The following EXPH5 variants were observed in gnomAD, a reference collection of about 807,000 sequenced individuals.
EXPH5 encodes the protein exophilin-5.
EXPH5 carries 42 observed loss-of-function variants against 41.1 expected under a neutral mutation model. That is an observed-to-expected ratio of 1.02 (90% CI 0.80 to 1.32). The LOEUF is 1.32. Among genes scored for constraint, EXPH5 ranks in the 40% most tolerant of loss-of-function variants. The pLI is 0.00. For missense variants in EXPH5, 2,298 were observed against 2,314.5 expected (o/e 0.99, Z 0.15); for synonymous variants, 798 against 833.5 (o/e 0.96, Z 0.73).
At chr11:108,551,622 AC>A (rs2136058103) in intron 1 of EXPH5, among the ~76,000 whole-genome samples, 1 of 151,612 alleles carries the variant, frequency 6.6e-6, no homozygotes, top group African/African-American at 2.4e-5. Flanking sequence ...GTCTTGTTAC[AC>A]CTCGTTCTCC....
intron 3 of EXPH5, among the ~76,000 whole-genome samples, chr11:108,536,398 T>C (rs932557651): frequency 2.0e-5 from 3 of 151,998 alleles, no homozygotes; most frequent in Non-Finnish European, 4.4e-5. Context: ...CCCAAGTTGC[T>C]GGGACTACAG....
chr11:108,550,446 A>C (rs2093958275), intron 1 of EXPH5, among the ~76,000 whole-genome samples: 1 of 152,146 alleles, frequency 6.6e-6, no homozygotes, highest in Non-Finnish European at 1.5e-5. Context: ...AGCCCACGGA[A>C]TGGTAAGCTA....
chr11:108,598,849 C>T, the EXPH5 span, among the ~76,000 whole-genome samples: 147,335 of 152,282 alleles, frequency 0.97, 71,497 homozygotes, highest in East Asian at 1. Flanking sequence ...CAAGGGAGTT[C>T]AGATTCCATC....
intron 1 of EXPH5, chr11:108,551,998 C>T (rs1205733563): frequency 6.6e-6 from 1 of 152,076 alleles, no homozygotes; most frequent in Non-Finnish European, 1.5e-5. Flanking sequence ...TTTTCCAAAC[C>T]CTGAAGCCCC....
intron 1 of EXPH5, among the ~76,000 whole-genome samples, chr11:108,580,940 T>C (rs1307751020): frequency 6.6e-6 from 1 of 152,140 alleles, no homozygotes; most frequent in Non-Finnish European, 1.5e-5. Flanking sequence ...TGTTAAAGGA[T>C]ATAAAATTCC....
In EXPH5 at chr11:108,561,177, TGCCA is replaced by T. The variant is rs753755748; in HGVS notation, c.120-19369_120-19366del. The stretch of plus-strand genomic sequence containing the variant: ...ACATGTCAATGCAAAGAAGCAGTAG[TGCCA>T]GGTGTGCTTTATAGAAGGAAAGAAC... On this transcript the variant is annotated intron_variant, in intron 1 of 5. Coordinates refer to ENST00000265843, the MANE Select transcript of EXPH5 (RefSeq NM_015065.3). Among the ~76,000 whole-genome samples the T allele has an allele frequency of 1.0e-3, 155 of 152,362 alleles. 1 individual carries two copies. The Middle Eastern group carries it at 0.034, about 33-fold the overall frequency.
At chr11:108,577,446 G>A (rs192918416) in intron 1 of EXPH5, among the ~76,000 whole-genome samples, 14 of 151,122 alleles carry the variant, frequency 9.3e-5, no homozygotes, top group African/African-American at 2.2e-4. Context: ...TTGGTGAGAC[G>A]GAGATTTACT....
intron 1 of EXPH5, among the ~76,000 whole-genome samples, chr11:108,547,283 T>A (rs2093943032): frequency 6.6e-6 from 1 of 152,012 alleles, no homozygotes; most frequent in Non-Finnish European, 1.5e-5. Flanking sequence ...AGCCTCAAAC[T>A]CCTGGGTTCA....
intron 4 of EXPH5, among the ~76,000 whole-genome samples, chr11:108,521,185 A>G (rs1421858014): frequency 6.6e-6 from 1 of 151,876 alleles, no homozygotes; most frequent in Non-Finnish European, 1.5e-5. Context: ...CTTCACCACT[A>G]TGTTTTGTCT....
chr11:108,594,389 T>C (rs2094135565), upstream of EXPH5, among the ~76,000 whole-genome samples: 1 of 152,224 alleles, frequency 6.6e-6, no homozygotes, highest in Non-Finnish European at 1.5e-5. Flanking sequence ...AAACACCTGT[T>C]AGAAGTTTTC....
intron 1 of EXPH5, among the ~76,000 whole-genome samples, chr11:108,582,759 G>A (rs371762058): frequency 1.3e-5 from 2 of 152,136 alleles, no homozygotes; most frequent in African/African-American, 4.8e-5. Flanking sequence ...ACTAAGGAAG[G>A]GTCTGTTCCA....
intron 1 of EXPH5, among the ~76,000 whole-genome samples, chr11:108,556,028 A>C (rs991548970): frequency 6.6e-6 from 1 of 152,200 alleles, no homozygotes; most frequent in Non-Finnish European, 1.5e-5. Flanking sequence ...CCAAAGAACA[A>C]AATTCCAACA....
chr11:108,534,232 T>G (rs1591705579), intron 3 of EXPH5, among the ~76,000 whole-genome samples: 1 of 152,344 alleles, frequency 6.6e-6, no homozygotes, highest in East Asian at 1.9e-4. Flanking sequence ...AATGGATGCA[T>G]GTACACACAT....
At chr11:108,558,035 C>T (rs983654636) in intron 1 of EXPH5, among the ~76,000 whole-genome samples, 3 of 152,112 alleles carry the variant, frequency 2.0e-5, no homozygotes, top group Admixed American at 6.5e-5. Context: ...CTCTGCCTCC[C>T]AGGCTCAAGC....
intron 1 of EXPH5, among the ~76,000 whole-genome samples, chr11:108,579,099 C>T (rs1591757145): frequency 6.6e-6 from 1 of 152,056 alleles, no homozygotes; most frequent in East Asian, 1.9e-4. Flanking sequence ...AGAGGAAAGG[C>T]TTTCAGTTTT....
rs143361079 is a variant in EXPH5, at chr11:108,519,982, G to T, written c.493-1609C>A. Among the ~76,000 whole-genome samples, 157 of 143,106 alleles carry T rather than the reference G, an allele frequency of 1.1e-3. 1 individual carries two copies. Among genetic ancestry groups the T allele is most frequent in the African/African-American group, 3.7e-3 (145 of 38,872 alleles). 93.9% of individuals were successfully genotyped at this position (143,106 alleles called of 152,430 possible). Reference sequence around the variant, plus strand: ...AAAAAAAAAAAAAAAAAAAAATTGCGAACCTGAGGATTTAGGGGGAAAAAT... The same window carrying T: ...AAAAAAAAAAAAAAAAAAAAATTGCTAACCTGAGGATTTAGGGGGAAAAAT... On this transcript the variant is annotated intron_variant, in intron 4 of 5. Coordinates refer to ENST00000265843, the MANE Select transcript of EXPH5 (RefSeq NM_015065.3).
intron 4 of EXPH5, among the ~76,000 whole-genome samples, chr11:108,527,468 A>G (rs957689408): frequency 6.6e-6 from 1 of 152,146 alleles, no homozygotes; most frequent in Non-Finnish European, 1.5e-5. Context: ...TGATAAATAT[A>G]CTTGCTCTCC....
At chr11:108,593,380 C>T (rs749521109) in intron 1 of EXPH5, 38 bp downstream of exon 1, 2 of 1,579,022 alleles carry the variant, frequency 1.3e-6, no homozygotes, top group Non-Finnish European at 1.7e-6. Context: ...CCCTGCGGGA[C>T]CCAGGCCCAG....
At chr11:108,537,899 T>C in intron 3 of EXPH5, 3 of 830,088 alleles carry the variant, frequency 3.6e-6, no homozygotes, top group Non-Finnish European at 4.4e-6. Flanking sequence ...CTTCTCAATT[T>C]TAAATCCCCC....
Sources: gnomAD v4.1 joint callset for allele counts (sites outside exome capture counted in the v4.1 genomes callset) on GRCh38, gnomAD v4.1.1 for gene constraint, MANE v1.5 for transcripts, NCBI Gene and HGNC (gene_info 2026-07-23, HGNC 2026-07-21) for gene names.